The following GABRB2 variants were observed in gnomAD, a reference collection of about 807,000 sequenced individuals.
GABRB2 encodes gamma-aminobutyric acid receptor subunit beta-2.
Under a neutral mutation model 54.7 loss-of-function variants are expected in GABRB2, and 16 were observed. That is an observed-to-expected ratio of 0.29 (90% CI 0.20 to 0.44). The LOEUF (loss-of-function observed/expected upper bound fraction) is 0.44, where lower values mean the gene tolerates loss of function less well. GABRB2 is among the 20% of genes least tolerant of loss of function. GABRB2 has a pLI of 1.00. For missense variants in GABRB2, 355 were observed against 644.0 expected, an observed-to-expected ratio of 0.55 and a Z score of 4.86; for synonymous variants, 244 against 233.8, an observed-to-expected ratio of 1.04 and a Z score of -0.40.
At chr5:161,348,085 T>C (rs1754370154) in intron 5 of GABRB2, among the ~76,000 whole-genome samples, 1 of 152,116 alleles carries the variant, frequency 6.6e-6, no homozygotes, top group South Asian at 2.1e-4. Context: ...GCTCAGTTTC[T>C]ATATCTGAAA....
chr5:161,512,184 C>T (rs1478610855), intron 3 of GABRB2, among the ~76,000 whole-genome samples: 1 of 151,948 alleles, frequency 6.6e-6, no homozygotes, highest in African/African-American at 2.4e-5. Flanking sequence ...TCAGATTCAA[C>T]TCTATTCCTA....
intron 3 of GABRB2, among the ~76,000 whole-genome samples, chr5:161,530,974 A>G (rs759180734): frequency 6.6e-6 from 1 of 152,166 alleles, no homozygotes; most frequent in African/African-American, 2.4e-5. Flanking sequence ...GAACACTTCA[A>G]GAGATCTTCA....
intron 3 of GABRB2, among the ~76,000 whole-genome samples, chr5:161,466,518 C>T (rs570643175): frequency 1.6e-4 from 24 of 151,104 alleles, no homozygotes; most frequent in Non-Finnish European, 3.1e-4. Flanking sequence ...TAAGACAAAC[C>T]AAAAAAAAGG....
intron 3 of GABRB2, among the ~76,000 whole-genome samples, chr5:161,489,868 T>C (rs563145766): frequency 6.6e-6 from 1 of 151,750 alleles, no homozygotes; most frequent in Admixed American, 6.6e-5. Flanking sequence ...CTTCTCTTTA[T>C]GAGATTGCAC....
chr5:161,447,638 G>A (rs143376993), intron 4 of GABRB2, among the ~76,000 whole-genome samples: 122 of 152,200 alleles, frequency 8.0e-4, no homozygotes, highest in African/African-American at 2.9e-3. Context: ...CTATTACACC[G>A]GTTTGGTTTT....
chr5:161,336,234 G>A (rs1580894518), intron 6 of GABRB2, among the ~76,000 whole-genome samples: 1 of 152,106 alleles, frequency 6.6e-6, no homozygotes, highest in African/African-American at 2.4e-5. Flanking sequence ...AGAATTTCAC[G>A]TGATCAGACT....
intron 5 of GABRB2, among the ~76,000 whole-genome samples, chr5:161,338,616 G>GTCTCTAT (rs1363029386): frequency 6.6e-6 from 1 of 151,830 alleles, no homozygotes; most frequent in Non-Finnish European, 1.5e-5. Context: ...GTAAGACCTT[G>GTCTCTAT]TCTCTATGAA....
chr5:161,399,515 A>G (rs2113073492), intron 5 of GABRB2, among the ~76,000 whole-genome samples: 1 of 152,254 alleles, frequency 6.6e-6, no homozygotes, highest in South Asian at 2.1e-4. Context: ...TAGAGCAGTG[A>G]CTACTTTATT....
At position 161,331,093 on chromosome 5, in the gene GABRB2, G is replaced by A; in HGVS notation, c.867C>T (p.Asn289=). 6.3e-7 allele frequency: 1 copy of A among 1,598,832 alleles called. No homozygotes were observed. The highest frequency in any genetic ancestry group is 8.5e-7 in the Non-Finnish European group (1 of 1,170,388). The change falls in exon 8 of 10, where the codon AAC becomes AAT. Residue 289 remains asparagine, a synonymous_variant. Transcript: ENST00000393959. ...TAGGGAGAGTTTCCCGGAGGTGGGT[G>A]TTGATTGTGGTCATTGTGAGGACAG... ...ITTVLTMTTI[N]THLRETLPKI...
At chr5:161,547,325 T>G (rs1249095719), upstream of GABRB2, among the ~76,000 whole-genome samples, 119 of 55,206 alleles carry the variant, frequency 2.2e-3, no homozygotes, top group African/African-American at 2.4e-3. Context: ...GGGCGGGGGG[T>G]TGGGGAGGCG....
intron 5 of GABRB2, among the ~76,000 whole-genome samples, chr5:161,348,013 C>T (rs2113428613): frequency 1.3e-5 from 2 of 152,170 alleles, no homozygotes; most frequent in Middle Eastern, 3.4e-3. Flanking sequence ...ACCTAGGTTC[C>T]TGTCCCCGCC....
intron 3 of GABRB2, among the ~76,000 whole-genome samples, chr5:161,530,967 C>A (rs1274651136): frequency 6.6e-6 from 1 of 152,104 alleles, no homozygotes; most frequent in Non-Finnish European, 1.5e-5. Context: ...GATCAAAGAA[C>A]ACTTCAAGAG....
chr5:161,410,500 C>G (rs532879177), intron 5 of GABRB2, among the ~76,000 whole-genome samples: 1 of 152,094 alleles, frequency 6.6e-6, no homozygotes, highest in South Asian at 2.1e-4. Flanking sequence ...GAAACAACAA[C>G]AGAAAACATT....
rs571090073 is a variant in GABRB2, at chr5:161,336,089, C to T, written c.679+543G>A. On this transcript the variant is annotated intron_variant, in intron 6 of 9. Coordinates refer to ENST00000393959, the MANE Select transcript of GABRB2 (RefSeq NM_001371727.1). ...GTATGACCATATAAAATCTCCATGC[C>T]GTAAGGGTGAAGATGGCAAAGGCCT... is the stretch of plus-strand genomic sequence containing the variant. Among the ~76,000 whole-genome samples the T allele has an allele frequency of 1.1e-4, 16 of 152,202 alleles. No homozygotes were observed. In the East Asian group the frequency reaches 1.5e-3, roughly 15 times the overall value.
chr5:161,486,412 C>A (rs1758922635), intron 3 of GABRB2, among the ~76,000 whole-genome samples: 1 of 152,062 alleles, frequency 6.6e-6, no homozygotes, highest in East Asian at 1.9e-4. Context: ...CCCATTGACT[C>A]TAAATTCCTG....
chr5:161,475,641 C>A (rs990951089), intron 3 of GABRB2, among the ~76,000 whole-genome samples: 18 of 151,934 alleles, frequency 1.2e-4, no homozygotes, highest in African/African-American at 4.3e-4. Context: ...TCCTGGAATG[C>A]AAAGATGGTT....
intron 4 of GABRB2, among the ~76,000 whole-genome samples, chr5:161,413,626 A>T (rs1756583697): frequency 6.6e-6 from 1 of 152,194 alleles, no homozygotes; most frequent in Non-Finnish European, 1.5e-5. Context: ...TTTACTATAG[A>T]GAGCAGGCAT....
intron 4 of GABRB2, among the ~76,000 whole-genome samples, chr5:161,432,885 A>G (rs1184329141): frequency 6.6e-6 from 1 of 152,128 alleles, no homozygotes; most frequent in Admixed American, 6.6e-5. Flanking sequence ...TGTATGCTCC[A>G]TTTTGTGTCT....
At chr5:161,542,073 G>T (rs1760837940) in intron 3 of GABRB2, among the ~76,000 whole-genome samples, 1 of 152,154 alleles carries the variant, frequency 6.6e-6, no homozygotes, top group Admixed American at 6.5e-5. Flanking sequence ...GAGACGGACA[G>T]GGGGATGACC....
Sources: allele counts gnomAD v4.1 joint callset (sites outside exome capture counted in the v4.1 genomes callset), GRCh38; gene constraint gnomAD v4.1.1; transcripts MANE v1.5; gene names NCBI Gene and HGNC (gene_info 2026-07-23, HGNC 2026-07-21).